LRRTM4: variants seen among roughly 807,000 people sequenced by gnomAD.
LRRTM4 encodes leucine-rich repeat transmembrane neuronal protein 4.
Under a neutral mutation model 47.6 loss-of-function variants are expected in LRRTM4, and 25 were observed. The observed-to-expected ratio is 0.53, with a 90% confidence interval of 0.38 to 0.73. LRRTM4 has a LOEUF of 0.73. LRRTM4 is among the 30% of genes least tolerant of loss of function. LRRTM4 has a pLI of 0.00. For missense variants in LRRTM4, 638 were observed against 713.4 expected (o/e 0.89, Z 1.20); for synonymous variants, 311 against 269.5 (o/e 1.15, Z -1.51).
chr2:77,431,220 A>G (rs924726516), intron 3 of LRRTM4, among the ~76,000 whole-genome samples: 4 of 149,102 alleles, frequency 2.7e-5, no homozygotes, highest in Non-Finnish European at 5.9e-5. Context: ...GTCTTTCTAT[A>G]GAACCCTGAC....
intron 3 of LRRTM4, among the ~76,000 whole-genome samples, chr2:76,869,223 C>A (rs891801395): frequency 1.3e-5 from 2 of 151,732 alleles, no homozygotes; most frequent in African/African-American, 4.8e-5. Flanking sequence ...ACAGGAGAAT[C>A]GCTTGAACCC....
intron 3 of LRRTM4, among the ~76,000 whole-genome samples, chr2:77,421,980 T>G (rs12713910): frequency 0.42 from 63,293 of 152,026 alleles, 14,111 homozygotes; most frequent in African/African-American, 0.59. Flanking sequence ...ATTTACCATT[T>G]TGTTATAATT....
chr2:77,108,462 A>C, intron 3 of LRRTM4, among the ~76,000 whole-genome samples: 1 of 152,214 alleles, frequency 6.6e-6, no homozygotes, highest in African/African-American at 2.4e-5. Flanking sequence ...ATTTAAAAAT[A>C]AACTGCAAAA....
chr2:77,112,834 C>A (rs1249636426), intron 3 of LRRTM4, among the ~76,000 whole-genome samples: 1 of 152,102 alleles, frequency 6.6e-6, no homozygotes, highest in Non-Finnish European at 1.5e-5. Context: ...TTAATATATG[C>A]AGGCAACACC....
chr2:77,193,053 T>C (rs1288903306), intron 3 of LRRTM4, among the ~76,000 whole-genome samples: 1 of 152,202 alleles, frequency 6.6e-6, no homozygotes, highest in African/African-American at 2.4e-5. Flanking sequence ...CTGAAAAATG[T>C]CTACTGCTTA....
chr2:76,986,356 T>C (rs1319972795), intron 3 of LRRTM4, among the ~76,000 whole-genome samples: 1 of 150,374 alleles, frequency 6.7e-6, no homozygotes, highest in Non-Finnish European at 1.5e-5. Context: ...TAACCAAAAA[T>C]ATACTAGAGA....
chr2:76,803,286 G>A (rs544661228), intron 3 of LRRTM4, among the ~76,000 whole-genome samples: 1 of 152,158 alleles, frequency 6.6e-6, no homozygotes, highest in African/African-American at 2.4e-5. Context: ...AATGGGCAAA[G>A]AATCTGAATA....
rs1675648813 is a variant in LRRTM4, at chr2:76,955,688, T to C, written c.1552-206772A>G. Among the ~76,000 whole-genome samples the C allele has an allele frequency of 3.3e-5, 5 of 151,698 alleles. No homozygotes were observed. The South Asian group carries it at 1.0e-3, about 31-fold the overall frequency. ...GAGGGTGGAGCTCTCTTGAATGGAA[T>C]TAATGACCACCTAAAAACAGAAGAA... On this transcript the variant is annotated intron_variant, in intron 3 of 3. Coordinates refer to ENST00000409884, the MANE Select transcript of LRRTM4 (RefSeq NM_001134745.3).
chr2:77,457,048 A>ATATATATATATATATG (rs1374730571), intron 3 of LRRTM4, among the ~76,000 whole-genome samples: 1 of 14,650 alleles, frequency 6.8e-5, no homozygotes, highest in African/African-American at 1.7e-4. Context: ...ATATATATAT[A>ATATATATATATATATG]TATGTATAAC....
intron 3 of LRRTM4, among the ~76,000 whole-genome samples, chr2:77,490,460 A>C (rs1056496380): frequency 6.6e-6 from 1 of 152,140 alleles, no homozygotes; most frequent in African/African-American, 2.4e-5. Flanking sequence ...GAAACACAAT[A>C]TCTCTACAGA....
At chr2:77,111,155 G>T (rs1044219865) in intron 3 of LRRTM4, among the ~76,000 whole-genome samples, 1 of 152,064 alleles carries the variant, frequency 6.6e-6, no homozygotes, top group African/African-American at 2.4e-5. Context: ...TGTTGCCCAG[G>T]CTAGAGTGCA....
At chr2:76,851,754 C>T (rs1022200776) in intron 3 of LRRTM4, among the ~76,000 whole-genome samples, 3 of 108,636 alleles carry the variant, frequency 2.8e-5, no homozygotes, top group Non-Finnish European at 3.6e-5. Context: ...AACTTTTATT[C>T]GTTTTTTTTT....
At chr2:76,923,215 C>T (rs962976354) in intron 3 of LRRTM4, among the ~76,000 whole-genome samples, 2 of 151,866 alleles carry the variant, frequency 1.3e-5, no homozygotes, top group South Asian at 2.1e-4. Flanking sequence ...CTAAGTCTTT[C>T]GTTTTTATTG....
chr2:77,126,900 A>G (rs1671665252), intron 3 of LRRTM4, among the ~76,000 whole-genome samples: 1 of 152,056 alleles, frequency 6.6e-6, no homozygotes, highest in Non-Finnish European at 1.5e-5. Flanking sequence ...ATTTTTTTCT[A>G]CTTTTCAGAG....
chr2:77,337,726 T>C (rs1478731660), intron 3 of LRRTM4, among the ~76,000 whole-genome samples: 1 of 152,112 alleles, frequency 6.6e-6, no homozygotes, highest in African/African-American at 2.4e-5. Flanking sequence ...CTTGCCTTTA[T>C]ACATTACCCA....
chr2:77,166,045 T>C (rs906614762), intron 3 of LRRTM4, among the ~76,000 whole-genome samples: 12 of 152,322 alleles, frequency 7.9e-5, no homozygotes, highest in Middle Eastern at 3.4e-3. Flanking sequence ...ATGACATGAT[T>C]GTATATGTAG....
rs1194709537 is a variant in LRRTM4 at position 76,749,957 on chromosome 2, A to C, written c.1552-1041T>G. On this transcript the variant is annotated intron_variant, in intron 3 of 3. Coordinates refer to ENST00000409884, the MANE Select transcript of LRRTM4 (RefSeq NM_001134745.3). ...GGCAGGTTTTAAACTATTGACTCTC[A>C]GCTCTAAGTTCCCTTCTGTGGTTGC... 3.3e-5 allele frequency among the ~76,000 whole-genome samples: 5 copies of C among 152,192 alleles called. 1 individual carries two copies. Among genetic ancestry groups the C allele is most frequent in the Admixed American group, 2.0e-4 (3 of 15,290 alleles).
Position 77,407,677 on chromosome 2 carries a change from A to AT in LRRTM4, c.1551+110640_1551+110641insA, listed in dbSNP as rs1491232199. The stretch of plus-strand genomic sequence containing the variant: ...ATATAATTATATATAATAATTATAT[A>AT]ATATTTAATATAATATATGATATAT... On this transcript the variant is annotated intron_variant, in intron 3 of 3. Transcript: ENST00000409884. Among the ~76,000 whole-genome samples, 3 of 122,632 alleles carry AT rather than the reference A, an allele frequency of 2.4e-5. 1 individual carries two copies. The highest frequency in any genetic ancestry group is 8.0e-5 in the Admixed American group (1 of 12,500). The allele number at this position is 122,632 out of a possible 152,430, so 80.5% of individuals were successfully genotyped here. A position where few individuals can be genotyped will look rare whatever the true frequency, so the allele number is the denominator to read the frequency against.
chr2:76,801,879 T>C (rs939139389), intron 3 of LRRTM4, among the ~76,000 whole-genome samples: 1 of 152,096 alleles, frequency 6.6e-6, no homozygotes, highest in Non-Finnish European at 1.5e-5. Flanking sequence ...CACCATAAGA[T>C]CATCTCAATA....
Sources: allele counts gnomAD v4.1 joint callset (sites outside exome capture counted in the v4.1 genomes callset), GRCh38; gene constraint gnomAD v4.1.1; transcripts MANE v1.5; gene names NCBI Gene and HGNC (gene_info 2026-07-23, HGNC 2026-07-21).